Variants in FARSA observed in about 807,000 individuals in gnomAD.
FARSA encodes phenylalanyl-tRNA synthetase subunit alpha.
A neutral mutation model predicts 63.2 loss-of-function variants in FARSA; 37 were observed. The observed-to-expected ratio is 0.59, with a 90% CI of 0.45 to 0.77. The LOEUF is 0.77. FARSA is among the 30% of genes least tolerant of loss of function. The pLI is 0.00. For synonymous variants in FARSA, 312 were observed against 285.1 expected (o/e 1.09, Z -0.95); for missense variants, 618 against 696.6 (o/e 0.89, Z 1.27).
At chr19:12,927,390 A>C (rs1205271964) in intron 7 of FARSA, among the ~76,000 whole-genome samples, 1 of 151,562 alleles carries the variant, frequency 6.6e-6, no homozygotes, top group East Asian at 2.0e-4. Context: ...TGAGATCAGG[A>C]GTTTGAGACC....
chr19:12,924,419 T>C lies in FARSA; in HGVS notation c.1273+30A>G. The C allele has an allele frequency of 6.2e-7, 1 of 1,609,358 alleles. No individual in the cohort carries two copies. Among genetic ancestry groups the C allele is most frequent in the Non-Finnish European group, 8.5e-7 (1 of 1,177,582 alleles). On this transcript the variant is annotated intron_variant, in intron 11 of 12. Coordinates refer to ENST00000314606, the MANE Select transcript of FARSA (RefSeq NM_004461.3). This position sits in a 1 kb window ranked among gnomAD's most constrained non-coding sequence, Gnocchi z 6.4. ...AAACCATAGTAGCCTGAGACCTCCC[T>C]CCCACCCCAGTACCAGGGCCTACCC...
chr19:12,929,115 G>C (rs867438880), intron 4 of FARSA, among the ~76,000 whole-genome samples: 15 of 152,236 alleles, frequency 9.9e-5, no homozygotes, highest in Middle Eastern at 6.8e-3. Context: ...ATGATACTAG[G>C]GAAAGTCTAG....
intron 12 of FARSA, 143 bp from the exon 13 acceptor site, chr19:12,923,029 C>G (rs1002954336): frequency 2.9e-6 from 3 of 1,030,788 alleles, no homozygotes; most frequent in Non-Finnish European, 4.3e-6. Flanking sequence ...GCTCTATCAC[C>G]TCTCACCCTC....
intron 1 of FARSA, 98 bp from the exon 2 acceptor site, chr19:12,930,847 C>A: frequency 7.0e-7 from 1 of 1,426,826 alleles, no homozygotes; most frequent in South Asian, 1.2e-5. Flanking sequence ...AAGCACAGCC[C>A]TTAAAGCTAG....
intron 1 of FARSA, among the ~76,000 whole-genome samples, chr19:12,932,478 C>A (rs1277976868): frequency 6.6e-6 from 1 of 152,188 alleles, no homozygotes; most frequent in African/African-American, 2.4e-5. Flanking sequence ...CAGCTGCCAT[C>A]TCTCCTCTGC....
In FARSA at chr19:12,922,498, T is replaced by C. The variant is rs1971274746; in HGVS notation, c.*250A>G. 1 of 521,524 alleles carries C rather than the reference T, an allele frequency of 1.9e-6. No individual in the cohort carries two copies. The highest frequency in any genetic ancestry group is 3.2e-5 in the Admixed American group (1 of 31,010). 32.3% of individuals were successfully genotyped at this position (521,524 alleles called of 1,614,324 possible). A position where few individuals can be genotyped will look rare whatever the true frequency, so the allele number is the denominator to read the frequency against. On this transcript the variant is annotated 3_prime_UTR_variant, in exon 13 of 13. Coordinates refer to ENST00000314606, the MANE Select transcript of FARSA (RefSeq NM_004461.3). ...ACCAGATGGGGGCAACTGCCCACTTTATTAGACAATAGGTGGCCCACAGGT... is the reference window on the plus strand; with the variant it reads ...ACCAGATGGGGGCAACTGCCCACTTCATTAGACAATAGGTGGCCCACAGGT...
rs749702369 is a variant in FARSA at position 12,930,445 on chromosome 19, G to A, written c.368C>T (p.Pro123Leu). Residue 123 changes from proline (P) to leucine (L), a missense_variant, in exon 3 of 13, where the codon CCC (proline) becomes CTC (leucine). Coordinates refer to ENST00000314606, the MANE Select transcript of FARSA (RefSeq NM_004461.3). ...IRVDKSAADG[P>L]RVFRVVDSME... ...GGAACGCACCACTCGGAACACCCGG[G>A]GCCCGTCAGCCGCACTCTTGTCCAC... 6.2e-6 allele frequency: 10 copies of A among 1,613,994 alleles called. No homozygotes were observed. The highest frequency in any genetic ancestry group is 5.1e-6 in the Non-Finnish European group (6 of 1,179,984).
chr19:12,931,548 G>A (rs561667897), intron 1 of FARSA, among the ~76,000 whole-genome samples: 10 of 152,210 alleles, frequency 6.6e-5, no homozygotes, highest in Admixed American at 5.9e-4. Flanking sequence ...GGCGTGAGCC[G>A]CCGTGCCCGG....
chr19:12,922,881 G>A lies in FARSA; in HGVS notation c.1394C>T (p.Thr465Met), dbSNP rs777595460. 10 of 1,613,988 alleles carry A rather than the reference G, an allele frequency of 6.2e-6. No individual in the cohort carries two copies. In the East Asian group the frequency reaches 1.1e-4, roughly 18 times the overall value. The change falls in exon 13 of 13, where the codon ACG (threonine) becomes ATG (methionine). Residue 465 changes from threonine (T) to methionine (M), a missense_variant. By Grantham distance (81) the Thr-to-Met change is moderately conservative. Coordinates refer to ENST00000314606, the MANE Select transcript of FARSA (RefSeq NM_004461.3). ...IAWGLSLERPTMIKYGINNIR... is the reference protein window; with the variant it reads ...IAWGLSLERPMMIKYGINNIR... ...ATTGTTGATGCCATATTTGATCATCGTTGGGCTTGTGGGGGAGGGAACAGA... is the reference window on the plus strand; with the variant it reads ...ATTGTTGATGCCATATTTGATCATCATTGGGCTTGTGGGGGAGGGAACAGA...
rs562327443 is a variant in FARSA, at chr19:12,928,852, G to C, written c.504-5C>G. On this transcript the variant is annotated splice_region_variant and splice_polypyrimidine_tract_variant and intron_variant, in intron 4 of 12. Transcript: ENST00000314606. ...ACCCAGTAGGTCTTCAGAGTCCTGT[G>C]GCCAGGGGAAGGAAGGGGACGCCAC... 5 of 1,613,896 alleles carry C rather than the reference G, an allele frequency of 3.1e-6. No homozygotes were observed. The East Asian group carries it at 1.1e-4, about 36-fold the overall frequency.
rs773847239 is a variant in FARSA, at chr19:12,924,861, A to G, written c.1026+43T>C. ...GTATGGGTCAGAAGGTCCCTTTGACAGCACCCTCTCCCCACTGGGGCCCCC... is the reference window on the plus strand; with the variant it reads ...GTATGGGTCAGAAGGTCCCTTTGACGGCACCCTCTCCCCACTGGGGCCCCC... On this transcript the variant is annotated intron_variant, in intron 9 of 12. Transcript: ENST00000314606. This position sits in a 1 kb window ranked among gnomAD's most constrained non-coding sequence, Gnocchi z 6.4. 1.2e-6 allele frequency: 2 copies of G among 1,613,836 alleles called. No individual in the cohort carries two copies. Among genetic ancestry groups the G allele is most frequent in the Non-Finnish European group, 1.7e-6 (2 of 1,179,874 alleles).
At chr19:12,928,941 C>A (rs1971360768) in intron 4 of FARSA, 94 bp from the exon 5 acceptor site, 2 of 1,056,170 alleles carry the variant, frequency 1.9e-6, no homozygotes, top group Non-Finnish European at 2.9e-6. Flanking sequence ...TGCTACCTAC[C>A]AAGTCACTCT....
chr19:12,926,520 G>A (rs1014083564), intron 7 of FARSA, among the ~76,000 whole-genome samples: 1 of 143,442 alleles, frequency 7.0e-6, no homozygotes, highest in Admixed American at 7.0e-5. Flanking sequence ...CGATCCGCCC[G>A]TCTCAGCCTC....
At chr19:12,931,426 G>T (rs1380608065) in intron 1 of FARSA, among the ~76,000 whole-genome samples, 5 of 152,100 alleles carry the variant, frequency 3.3e-5, no homozygotes, top group African/African-American at 1.2e-4. Context: ...ACCACCCCCA[G>T]CTAATTTTTG....
rs771568804 is a variant in FARSA, at chr19:12,924,919, G to T, written c.1011C>A (p.Tyr337Ter). The T allele has an allele frequency of 6.2e-7, 1 of 1,614,260 alleles. No homozygotes were observed. The highest frequency in any genetic ancestry group is 1.7e-5 in the Admixed American group (1 of 60,030). Reference sequence around the variant, plus strand: ...CCAACCGCACCTTCTGGGCAAGGCGGTAGAGCGCACGGGCGCTGGCTGATG... The same window carrying T: ...CCAACCGCACCTTCTGGGCAAGGCGTTAGAGCGCACGGGCGCTGGCTGATG... ...HTTSASARAL[Y>*]RLAQKKPFTP... The change falls in exon 9 of 13, where the codon TAC (tyrosine) becomes TAA (stop). Residue 337 changes from tyrosine to a stop codon, truncating the protein, a stop_gained. Coordinates refer to ENST00000314606, the MANE Select transcript of FARSA (RefSeq NM_004461.3). LOFTEE classifies it high-confidence loss of function. The surrounding 1 kb of genome is among the most constrained non-coding windows in gnomAD (Gnocchi z 6.4).
chr19:12,930,066 C>T (rs1265558884), intron 4 of FARSA, among the ~76,000 whole-genome samples, 157 bp downstream of exon 4: 1 of 152,074 alleles, frequency 6.6e-6, no homozygotes, highest in Non-Finnish European at 1.5e-5. Flanking sequence ...GGGCAAAGAC[C>T]CCAAGGCACG....
chr19:12,923,727 G>A (rs1344294685), intron 12 of FARSA, among the ~76,000 whole-genome samples: 4 of 152,206 alleles, frequency 2.6e-5, no homozygotes, highest in Admixed American at 2.6e-4. Context: ...TGATGCACCT[G>A]CTTCAGCCAC....
At position 12,930,702 on chromosome 19, in the gene FARSA, C is replaced by T. The variant is rs142191007; in HGVS notation, c.195G>A (p.Ala65=). Residue 65 remains alanine, a synonymous_variant, in exon 2 of 13, where the codon GCG becomes GCA. Transcript: ENST00000314606. The part of the protein sequence containing the change: ...LRSTKHWELT[A]EGEEIAREGS... ...CCTCCCGGGCAATCTCCTCGCCCTC[C>T]GCAGTAAGCTCCCAGTGCTTGGTGG... The T allele has an allele frequency of 1.2e-5, 20 of 1,612,714 alleles. No individual in the cohort carries two copies. The highest frequency in any genetic ancestry group is 2.2e-5 in the East Asian group (1 of 44,882).
In FARSA at chr19:12,924,503, G is replaced by C; in HGVS notation, c.1219C>G (p.Pro407Ala). 6.2e-7 allele frequency: 1 copy of C among 1,613,578 alleles called. No homozygotes were observed. Among genetic ancestry groups the C allele is most frequent in the South Asian group, 1.1e-5 (1 of 91,090 alleles). Residue 407 changes from proline (P) to alanine (A), a missense_variant, in exon 11 of 13, where the codon CCA becomes GCA. Transcript: ENST00000314606. The surrounding 1 kb of genome is among the most constrained non-coding windows in gnomAD (Gnocchi z 6.4). Reference protein sequence around the residue: ...KLGITQLRFKPAYNPYTEPSM... With the variant: ...KLGITQLRFKAAYNPYTEPSM... The stretch of plus-strand genomic sequence containing the variant: ...GGCTCTGTGTATGGGTTGTAGGCTG[G>C]CTTGAAGCGGAGTTGCGTGATACCT...
Sources: allele counts gnomAD v4.1 joint callset (sites outside exome capture counted in the v4.1 genomes callset), GRCh38; gene constraint gnomAD v4.1.1; non-coding constraint Gnocchi (gnomAD v3.1); transcripts MANE v1.5; gene names NCBI Gene and HGNC (gene_info 2026-07-23, HGNC 2026-07-21).